PDS5A: variants seen among roughly 807,000 people sequenced by gnomAD.
PDS5A encodes sister chromatid cohesion protein PDS5 homolog A.
PDS5A carries 42 observed loss-of-function variants against 167.1 expected under a neutral mutation model. The ratio of observed to expected loss-of-function variants is 0.25; its 90% confidence interval spans 0.20 to 0.33. The LOEUF (loss-of-function observed/expected upper bound fraction) is 0.33. Ranked by LOEUF, PDS5A falls within the 10% of genes least tolerant of loss-of-function variation. PDS5A has a pLI of 1.00. For synonymous variants in PDS5A, 553 were observed against 554.6 expected (o/e 1.00, Z 0.04); for missense variants, 1,033 against 1,605.9 (o/e 0.64, Z 6.10).
Position 39,869,381 on chromosome 4 carries a change from T to C in PDS5A, c.2505+13A>G. ...TTTAAACATGAAGATTATCAAGGCCTAAACAAATTTACCTTTGCTAGTACT... is the reference window on the plus strand; with the variant it reads ...TTTAAACATGAAGATTATCAAGGCCCAAACAAATTTACCTTTGCTAGTACT... On this transcript the variant is annotated intron_variant, in intron 22 of 32. Coordinates refer to ENST00000303538, the MANE Select transcript of PDS5A (RefSeq NM_001100399.2). 6.6e-7 allele frequency: 1 copy of C among 1,524,200 alleles called. No individual in the cohort carries two copies. The highest frequency in any genetic ancestry group is 9.1e-7 in the Non-Finnish European group (1 of 1,099,310). 94.4% of individuals were successfully genotyped at this position (1,524,200 alleles called of 1,614,324 possible). A position where few individuals can be genotyped will look rare whatever the true frequency, so the allele number is the denominator to read the frequency against.
rs1299188319 is a variant in PDS5A, at chr4:39,823,533, G to A, written c.*1952C>T. ...GTCCCTATCAATGCACTTTTTGTTG[G>A]TGACACACTGGAAACCTTAGGAATC... On this transcript the variant is annotated 3_prime_UTR_variant, in exon 33 of 33. Coordinates refer to ENST00000303538, the MANE Select transcript of PDS5A (RefSeq NM_001100399.2). 2.0e-5 allele frequency: 3 copies of A among 152,588 alleles called. No homozygotes were observed. The highest frequency in any genetic ancestry group is 3.9e-4 in the East Asian group (2 of 5,194). The allele number at this position is 152,588 out of a possible 1,614,324, so 9.5% of individuals were successfully genotyped here.
chr4:39,917,475 T>C (rs1724497324), intron 7 of PDS5A, among the ~76,000 whole-genome samples: 1 of 152,176 alleles, frequency 6.6e-6, no homozygotes, highest in African/African-American at 2.4e-5. Context: ...GGAATCTTTG[T>C]TTTCATTAAA....
intron 31 of PDS5A, among the ~76,000 whole-genome samples, chr4:39,838,877 G>A (rs1716681501): frequency 6.6e-6 from 1 of 151,978 alleles, no homozygotes; most frequent in Non-Finnish European, 1.5e-5. Flanking sequence ...AAATTAGCCA[G>A]GCATGGTGGC....
chr4:39,872,333 A>C (rs185835502), intron 21 of PDS5A, among the ~76,000 whole-genome samples: 22 of 151,826 alleles, frequency 1.4e-4, no homozygotes, highest in Admixed American at 1.4e-3. Context: ...CCGTCACCAC[A>C]CCCGGCTAAT....
At chr4:39,920,095 G>A (rs901191792) in intron 7 of PDS5A, among the ~76,000 whole-genome samples, 32 of 152,062 alleles carry the variant, frequency 2.1e-4, no homozygotes, top group African/African-American at 7.2e-4. Flanking sequence ...AAATACAAAT[G>A]CAGATAAGGG....
At chr4:39,926,169 T>C (rs959865996) in intron 4 of PDS5A, among the ~76,000 whole-genome samples, 2 of 152,016 alleles carry the variant, frequency 1.3e-5, no homozygotes, top group Admixed American at 6.6e-5. Context: ...GTAGATATAT[T>C]TCCATACAAA....
chr4:39,898,478 G>C lies in PDS5A; in HGVS notation c.1681C>G (p.Gln561Glu). ...KAQDFVKKFN[Q>E]VLGDDEKLRS... ...AGTTTCTCATCATCGCCGAGAACCT[G>C]GTTAAATTTCTTCACAAAATCTTGT... is the stretch of plus-strand genomic sequence containing the variant. The change falls in exon 16 of 33, where the codon CAG becomes GAG. Residue 561 changes from glutamine to glutamate, a missense_variant. Coordinates refer to ENST00000303538, the MANE Select transcript of PDS5A (RefSeq NM_001100399.2). 6.2e-7 allele frequency: 1 copy of C among 1,600,058 alleles called. No homozygotes were observed. Among genetic ancestry groups the C allele is most frequent in the Non-Finnish European group, 8.5e-7 (1 of 1,173,366 alleles).
chr4:39,901,266 C>CTTTTTTTTTTTTTTTTTTTTTTTTT (rs772230554), intron 13 of PDS5A, among the ~76,000 whole-genome samples: 1 of 121,282 alleles, frequency 8.2e-6, no homozygotes, highest in Non-Finnish European at 1.7e-5. Context: ...TCTTTTCTTT[C>CTTTTTTTTTTTTTTTTTTTTTTTTT]TTTTTTTTTT....
At chr4:39,855,632 G>C (rs1718468588) in intron 26 of PDS5A, among the ~76,000 whole-genome samples, 1 of 152,110 alleles carries the variant, frequency 6.6e-6, no homozygotes, top group African/African-American at 2.4e-5. Flanking sequence ...TACTGATAAA[G>C]AGACAGAAAT....
chr4:39,943,307 GT>G (rs1727411733), intron 2 of PDS5A, among the ~76,000 whole-genome samples: 1 of 151,938 alleles, frequency 6.6e-6, no homozygotes, highest in Non-Finnish European at 1.5e-5. Flanking sequence ...TCAATGACCT[GT>G]TTTTCTAATA....
intron 26 of PDS5A, among the ~76,000 whole-genome samples, chr4:39,860,338 G>A (rs1009559605): frequency 3.3e-5 from 5 of 151,946 alleles, no homozygotes; most frequent in East Asian, 1.9e-4. Flanking sequence ...GGTGGTACAC[G>A]TCTGTAGTGC....
chr4:39,921,465 G>A (rs1023981713), intron 6 of PDS5A, among the ~76,000 whole-genome samples: 6 of 151,874 alleles, frequency 4.0e-5, no homozygotes, highest in African/African-American at 1.5e-4. Context: ...GCCAGATGTG[G>A]TTGCTCATGC....
chr4:39,975,525 TA>T (rs1731006326), intron 2 of PDS5A, among the ~76,000 whole-genome samples: 1 of 152,208 alleles, frequency 6.6e-6, no homozygotes, highest in Non-Finnish European at 1.5e-5. Context: ...GAAAAGTTGT[TA>T]AATCATTTCC....
At chr4:39,887,592 G>T (rs1383032358) in intron 17 of PDS5A, among the ~76,000 whole-genome samples, 1 of 152,122 alleles carries the variant, frequency 6.6e-6, no homozygotes, top group Admixed American at 6.5e-5. Flanking sequence ...AAATCAAAAT[G>T]GATTAAGACC....
intron 25 of PDS5A, 82 bp downstream of exon 25, chr4:39,862,787 A>C (rs1719106346): frequency 1.2e-6 from 1 of 801,322 alleles, no homozygotes; most frequent in Admixed American, 2.3e-5. Flanking sequence ...CTATAATAGA[A>C]ACACATGACA....
chr4:39,915,658 C>A (rs1303936013), intron 8 of PDS5A, among the ~76,000 whole-genome samples: 2 of 152,048 alleles, frequency 1.3e-5, no homozygotes, highest in Non-Finnish European at 2.9e-5. Context: ...CCGCACTTGG[C>A]CCAGCCTGAT....
intron 32 of PDS5A, among the ~76,000 whole-genome samples, chr4:39,829,897 G>A (rs1400690448): frequency 7.7e-6 from 1 of 129,408 alleles, no homozygotes; most frequent in African/African-American, 3.1e-5. Flanking sequence ...CTTGCAAAGA[G>A]CTGAGATCGA....
chr4:39,932,937 G>A (rs1034886353), intron 2 of PDS5A: 1 of 150,892 alleles, frequency 6.6e-6, no homozygotes, highest in African/African-American at 2.4e-5. Context: ...GGAGGCTGAG[G>A]AGCGTGGATC....
chr4:39,862,191 A>G, intron 26 of PDS5A, 28 bp downstream of exon 26: 1 of 871,910 alleles, frequency 1.1e-6, no homozygotes, highest in South Asian at 2.3e-5. Context: ...CATAATTTTT[A>G]GAGTTCTTGA....
Sources: allele counts gnomAD v4.1 joint callset (sites outside exome capture counted in the v4.1 genomes callset), GRCh38; gene constraint gnomAD v4.1.1; transcripts MANE v1.5; gene names NCBI Gene and HGNC (gene_info 2026-07-23, HGNC 2026-07-21).